FER1L6: variants seen among roughly 807,000 people sequenced by gnomAD.
FER1L6 encodes fer-1-like protein 6.
In FER1L6, 177 loss-of-function variants were observed where a neutral mutation model predicts 219.2. That is an observed-to-expected ratio of 0.81 (90% CI 0.71 to 0.91). The LOEUF (loss-of-function observed/expected upper bound fraction) is 0.91, where lower values mean the gene tolerates loss of function less well. Ranked by LOEUF, FER1L6 falls within the 40% of genes least tolerant of loss-of-function variation. The probability of loss-of-function intolerance (pLI) is 0.00; values close to 1 mark genes in which losing one functional copy is unlikely to be tolerated. For missense variants in FER1L6, 2,153 were observed against 2,259.9 expected (o/e 0.95, Z 0.96); for synonymous variants, 768 against 824.3 (o/e 0.93, Z 1.17).
chr8:123,986,046 T>A, intron 11 of FER1L6, 22 bp from the exon 12 acceptor site: 1 of 1,400,198 alleles, frequency 7.1e-7, no homozygotes. Context: ...TTCTGCCTAA[T>A]AATTTTGTTT....
chr8:124,076,370 G>T (rs1469385592), intron 32 of FER1L6, 45 bp downstream of exon 32: 2 of 1,588,622 alleles, frequency 1.3e-6, no homozygotes, highest in South Asian at 2.2e-5. Flanking sequence ...TTCTGCATTT[G>T]CTCCTGCTGT....
chr8:123,879,512 A>G (rs1430068524), intron 1 of FER1L6, among the ~76,000 whole-genome samples: 1 of 151,990 alleles, frequency 6.6e-6, no homozygotes, highest in Admixed American at 6.6e-5. Flanking sequence ...ATTTTAGTCG[A>G]GACGGGGTTT....
intron 1 of FER1L6, among the ~76,000 whole-genome samples, chr8:123,867,771 T>G (rs755604329): frequency 2.0e-5 from 3 of 152,180 alleles, no homozygotes; most frequent in Non-Finnish European, 4.4e-5. Flanking sequence ...TTTTTCTTAT[T>G]TAAGTGGTTT....
At chr8:123,902,055 G>A (rs531352956) in intron 1 of FER1L6, among the ~76,000 whole-genome samples, 27 of 152,082 alleles carry the variant, frequency 1.8e-4, no homozygotes, top group East Asian at 7.7e-4. Context: ...TCTTGATTTC[G>A]TTTTTGACCC....
intron 22 of FER1L6, among the ~76,000 whole-genome samples, chr8:124,054,062 C>G (rs72714697): frequency 1.3e-5 from 2 of 152,138 alleles, no homozygotes; most frequent in African/African-American, 4.8e-5. Flanking sequence ...CAGCCAGGCC[C>G]GCCCTGCAGA....
At chr8:124,004,774 G>A (rs1817584280) in intron 13 of FER1L6, among the ~76,000 whole-genome samples, 1 of 152,048 alleles carries the variant, frequency 6.6e-6, no homozygotes, top group Non-Finnish European at 1.5e-5. Context: ...CGAGGCGGGT[G>A]GATCGCGAGG....
chr8:123,902,920 A>T (rs903089671), intron 1 of FER1L6, among the ~76,000 whole-genome samples: 2 of 152,128 alleles, frequency 1.3e-5, no homozygotes, highest in African/African-American at 4.8e-5. Context: ...TGCTTTAAAG[A>T]GGTTCTGTTT....
chr8:124,085,785 T>C (rs1416405598), intron 33 of FER1L6, among the ~76,000 whole-genome samples: 1 of 152,148 alleles, frequency 6.6e-6, no homozygotes, highest in Non-Finnish European at 1.5e-5. Flanking sequence ...GTTGGTGTCC[T>C]GTCTGGATGA....
At chr8:124,062,957 C>G (rs970547454) in intron 25 of FER1L6, among the ~76,000 whole-genome samples, 2 of 152,232 alleles carry the variant, frequency 1.3e-5, no homozygotes. Context: ...TATTATCCAA[C>G]TTTCTAGATT....
rs1355850912 is a variant in FER1L6 at position 123,975,938 on chromosome 8, T to G, written c.724T>G (p.Trp242Gly). The change falls in exon 9 of 41, where the codon TGG (tryptophan) becomes GGG (glycine). Residue 242 changes from tryptophan to glycine, a missense_variant. Transcript: ENST00000522917. ...IPNGFPLERP[W>G]ARFYVRLYKA... ...CAATGGGTTTCCACTGGAGAGACCG[T>G]GGGCCAGATTCTATGTGAGACTCTA... The G allele has an allele frequency of 6.2e-7, 1 of 1,613,450 alleles. No homozygotes were observed. The highest frequency in any genetic ancestry group is 1.3e-5 in the African/African-American group (1 of 74,892).
intron 39 of FER1L6, among the ~76,000 whole-genome samples, chr8:124,108,964 A>G (rs1311124381): frequency 6.6e-6 from 1 of 152,188 alleles, no homozygotes; most frequent in Admixed American, 6.5e-5. Flanking sequence ...TTTATAAATG[A>G]TTCTCCTGAA....
At chr8:123,975,410 T>G (rs2130294810) in intron 8 of FER1L6, 104 bp downstream of exon 8, 1 of 1,122,318 alleles carries the variant, frequency 8.9e-7, no homozygotes. Context: ...GAACCATGCT[T>G]CTTCTCAGCT....
chr8:124,091,614 TG>T (rs1563794952), intron 34 of FER1L6, 31 bp downstream of exon 34: 5 of 1,598,742 alleles, frequency 3.1e-6, no homozygotes, highest in Non-Finnish European at 4.3e-6. Flanking sequence ...CTGCTGGTGT[TG>T]CTCTTCTTTT....
At chr8:123,991,764 T>A (rs1312437104) in intron 12 of FER1L6, among the ~76,000 whole-genome samples, 1 of 152,198 alleles carries the variant, frequency 6.6e-6, no homozygotes, top group African/African-American at 2.4e-5. Flanking sequence ...TTCCTTATCT[T>A]GTTCCAGTTC....
chr8:123,906,830 C>T (rs535067433), intron 1 of FER1L6, among the ~76,000 whole-genome samples: 9 of 151,662 alleles, frequency 5.9e-5, no homozygotes, highest in Admixed American at 4.6e-4. Context: ...AAAAAGATTG[C>T]TCACACATCT....
intron 1 of FER1L6, among the ~76,000 whole-genome samples, chr8:123,944,148 C>G (rs1372364923): frequency 6.6e-6 from 1 of 151,968 alleles, no homozygotes; most frequent in Non-Finnish European, 1.5e-5. Flanking sequence ...GTATATAGAG[C>G]TTTTAGCCCA....
At chr8:124,105,922 G>A (rs1454713789) in intron 39 of FER1L6, among the ~76,000 whole-genome samples, 1 of 152,156 alleles carries the variant, frequency 6.6e-6, no homozygotes, top group Non-Finnish European at 1.5e-5. Flanking sequence ...ATACTGGTCT[G>A]ATTTCATTTA....
At chr8:123,928,207 A>G (rs1813637328) in intron 1 of FER1L6, among the ~76,000 whole-genome samples, 1 of 152,184 alleles carries the variant, frequency 6.6e-6, no homozygotes, top group African/African-American at 2.4e-5. Context: ...ACTTAGATGA[A>G]CTAATATTAC....
intron 30 of FER1L6, 112 bp from the exon 31 acceptor site, chr8:124,071,394 C>A: frequency 7.1e-7 from 1 of 1,412,284 alleles, no homozygotes; most frequent in Non-Finnish European, 9.8e-7. Flanking sequence ...AGCACCAAAC[C>A]AGGTCCTGCA....
Sources: allele counts gnomAD v4.1 joint callset (sites outside exome capture counted in the v4.1 genomes callset), GRCh38; gene constraint gnomAD v4.1.1; transcripts MANE v1.5; gene names NCBI Gene and HGNC (gene_info 2026-07-23, HGNC 2026-07-21).